Variants in PVT1 observed in about 807,000 individuals in gnomAD.
The protein encoded by PVT1 is CXCR4/PVT1 fusion.
At chr8:128,006,253 G>C (rs1817246732) in intron 4 of PVT1, among the ~76,000 whole-genome samples, 1 of 151,908 alleles carries the variant, frequency 6.6e-6, no homozygotes, top group Non-Finnish European at 1.5e-5. Flanking sequence ...GAAATAGTGA[G>C]GGAAGTTTCA....
chr8:127,944,338 C>G (rs1016463942), intron 3 of PVT1, among the ~76,000 whole-genome samples: 5 of 152,098 alleles, frequency 3.3e-5, no homozygotes, highest in Non-Finnish European at 5.9e-5. Flanking sequence ...GGCTTAGAGG[C>G]TGAGCATGGA....
intron 3 of PVT1, among the ~76,000 whole-genome samples, chr8:127,985,048 T>G (rs1816948914): frequency 6.7e-6 from 1 of 149,062 alleles, no homozygotes; most frequent in Admixed American, 6.7e-5. Flanking sequence ...CCTTCTTTTT[T>G]TTTTTGACAG....
chr8:127,917,982 C>T (rs780335990), intron 3 of PVT1, among the ~76,000 whole-genome samples: 2 of 152,254 alleles, frequency 1.3e-5, no homozygotes, highest in Non-Finnish European at 2.9e-5. Context: ...AATAAGCAGC[C>T]TCTGCTTGCC....
chr8:128,058,397 T>C (rs1169952087), intron 4 of PVT1, among the ~76,000 whole-genome samples: 3 of 149,660 alleles, frequency 2.0e-5, no homozygotes, highest in Admixed American at 1.4e-4. Flanking sequence ...TGTGTGTGTG[T>C]GTGTGTGTGT....
At chr8:128,041,387 GTA>G (rs1563673237) in intron 4 of PVT1, among the ~76,000 whole-genome samples, 1 of 149,532 alleles carries the variant, frequency 6.7e-6, no homozygotes, top group Non-Finnish European at 1.5e-5. Flanking sequence ...GTGCATATGT[GTA>G]TGTGTGTGTT....
chr8:127,967,947 G>C (rs1816721563), intron 3 of PVT1, among the ~76,000 whole-genome samples: 1 of 152,192 alleles, frequency 6.6e-6, no homozygotes, highest in Non-Finnish European at 1.5e-5. Context: ...TGCCTTGAGA[G>C]GGCGCTTTGG....
intron 2 of PVT1, among the ~76,000 whole-genome samples, chr8:127,849,223 C>T (rs181218996): frequency 8.5e-4 from 129 of 152,200 alleles, no homozygotes; most frequent in Non-Finnish European, 1.6e-3. Flanking sequence ...GGCTGGCAGA[C>T]CCTGGCTGAG....
intron 3 of PVT1, among the ~76,000 whole-genome samples, chr8:127,969,742 A>G (rs1054916438): frequency 2.6e-5 from 4 of 152,106 alleles, no homozygotes; most frequent in Non-Finnish European, 1.5e-5. Context: ...GAATATAGCT[A>G]TTTTCACCAC....
intron 2 of PVT1, among the ~76,000 whole-genome samples, chr8:127,833,240 C>G (rs148562193): frequency 6.6e-6 from 1 of 152,228 alleles, no homozygotes; most frequent in East Asian, 1.9e-4. Flanking sequence ...GGTCAACAAG[C>G]AGGCATTTCA....
chr8:127,969,469 T>C (rs919991893), intron 3 of PVT1, among the ~76,000 whole-genome samples: 5 of 152,206 alleles, frequency 3.3e-5, no homozygotes, highest in Non-Finnish European at 7.3e-5. Context: ...CCACATATCA[T>C]GTTCTGAAGT....
At chr8:127,857,131 C>A (rs769136908) in intron 2 of PVT1, among the ~76,000 whole-genome samples, 1 of 152,162 alleles carries the variant, frequency 6.6e-6, no homozygotes, top group Non-Finnish European at 1.5e-5. Context: ...GATGCTGAGG[C>A]AGGAGAATTG....
intron 2 of PVT1, among the ~76,000 whole-genome samples, chr8:127,810,256 ATACT>A (rs1187427080): frequency 6.6e-6 from 1 of 152,196 alleles, no homozygotes; most frequent in Non-Finnish European, 1.5e-5. Context: ...AATTCCATAC[ATACT>A]TTCTGCATTA....
chr8:128,039,208 G>A (rs1434559665), intron 4 of PVT1, among the ~76,000 whole-genome samples: 1 of 151,964 alleles, frequency 6.6e-6, no homozygotes, highest in South Asian at 2.1e-4. Flanking sequence ...GTTCATGAAG[G>A]TTGCAGAGCA....
At chr8:128,059,121 G>A (rs931408973) in intron 4 of PVT1, among the ~76,000 whole-genome samples, 3 of 152,120 alleles carry the variant, frequency 2.0e-5, no homozygotes, top group African/African-American at 4.8e-5. Flanking sequence ...ATGGATAGAA[G>A]CAATGGCTCA....
chr8:127,795,517 T>G (rs1814385378), intron 1 of PVT1, among the ~76,000 whole-genome samples: 1 of 152,106 alleles, frequency 6.6e-6, no homozygotes, highest in Non-Finnish European at 1.5e-5. Context: ...GTGCAAGGAT[T>G]TAGGGACAAG....
At chr8:127,954,203 A>G (rs574351908) in intron 3 of PVT1, among the ~76,000 whole-genome samples, 1 of 152,118 alleles carries the variant, frequency 6.6e-6, no homozygotes, top group South Asian at 2.1e-4. Context: ...GAGGCCTGCA[A>G]TACCTATGTC....
intron 4 of PVT1, among the ~76,000 whole-genome samples, chr8:128,021,348 C>T (rs1817433336): frequency 7.4e-6 from 1 of 135,118 alleles, no homozygotes; most frequent in African/African-American, 2.8e-5. Context: ...GGCTGGAGCA[C>T]GGTGGCGCAA....
intron 2 of PVT1, among the ~76,000 whole-genome samples, chr8:127,868,201 G>C (rs1815305847): frequency 6.6e-6 from 1 of 152,128 alleles, no homozygotes; most frequent in Non-Finnish European, 1.5e-5. Context: ...AGAGAGGTTA[G>C]GGTCCACCTT....
At chr8:127,938,253 T>C (rs1033240076) in intron 3 of PVT1, among the ~76,000 whole-genome samples, 4 of 152,144 alleles carry the variant, frequency 2.6e-5, no homozygotes, top group Non-Finnish European at 4.4e-5. Context: ...GTGAGCGAGA[T>C]TGACAATCTC....
Sources: gnomAD v4.1 joint callset for allele counts (sites outside exome capture counted in the v4.1 genomes callset) on GRCh38, gnomAD v4.1.1 for gene constraint, MANE v1.5 for transcripts, NCBI Gene and HGNC (gene_info 2026-07-23, HGNC 2026-07-21) for gene names.